The following PPP1R12A variants were observed in gnomAD, a reference collection of about 807,000 sequenced individuals.
The protein encoded by PPP1R12A is protein phosphatase 1 regulatory subunit 12A.
Under a neutral mutation model 139.6 loss-of-function variants are expected in PPP1R12A, and 19 were observed. The observed-to-expected ratio is 0.14, with a 90% CI of 0.09 to 0.20. The LOEUF (loss-of-function observed/expected upper bound fraction) is 0.20. Ranked by LOEUF, PPP1R12A falls within the 10% of genes least tolerant of loss-of-function variation. The probability of loss-of-function intolerance (pLI) is 1.00; values close to 1 mark genes in which losing one functional copy is unlikely to be tolerated. For missense variants in PPP1R12A, 925 were observed against 1,211.5 expected, an observed-to-expected ratio of 0.76 and a Z score of 3.51; for synonymous variants, 427 against 420.6, an observed-to-expected ratio of 1.02 and a Z score of -0.19.
chr12:79,869,337 A>G (rs1243418755), intron 2 of PPP1R12A, among the ~76,000 whole-genome samples: 9 of 152,234 alleles, frequency 5.9e-5, no homozygotes, highest in South Asian at 2.1e-4. Context: ...TTAGAACTCA[A>G]TGTATCCTAA....
intron 1 of PPP1R12A, among the ~76,000 whole-genome samples, chr12:79,926,519 G>A (rs1887853156): frequency 6.6e-6 from 1 of 152,140 alleles, no homozygotes; most frequent in African/African-American, 2.4e-5. Context: ...TTGTAATAAT[G>A]GCTACCTTTA....
intron 1 of PPP1R12A, among the ~76,000 whole-genome samples, chr12:79,927,428 C>A (rs1461459031): frequency 2.0e-5 from 3 of 152,148 alleles, no homozygotes; most frequent in African/African-American, 7.2e-5. Flanking sequence ...TACAGTACTA[C>A]TGCACTTCAA....
intron 2 of PPP1R12A, among the ~76,000 whole-genome samples, chr12:79,850,205 T>C (rs1879881312): frequency 6.6e-6 from 1 of 152,204 alleles, no homozygotes. Context: ...TTTGATAATT[T>C]TAGATAGATA....
intron 21 of PPP1R12A, chr12:79,787,111 C>T (rs1429145289): frequency 6.6e-6 from 1 of 152,194 alleles, no homozygotes; most frequent in Non-Finnish European, 1.5e-5. Context: ...ATTCCCTGAT[C>T]ACCCTCTAAT....
intron 1 of PPP1R12A, among the ~76,000 whole-genome samples, chr12:79,898,161 A>G (rs890961885): frequency 5.3e-5 from 8 of 152,182 alleles, no homozygotes; most frequent in Non-Finnish European, 1.5e-5. Flanking sequence ...ATAAATATCC[A>G]ATAGCTGGCC....
intron 1 of PPP1R12A, among the ~76,000 whole-genome samples, chr12:79,906,434 C>T (rs1886123570): frequency 6.6e-6 from 1 of 151,868 alleles, no homozygotes; most frequent in Admixed American, 6.6e-5. Context: ...GTAATTTTTT[C>T]TCTTATTTCT....
rs561515807 is a variant in PPP1R12A at position 79,852,853 on chromosome 12, G to T, written c.369-7433C>A. ...TAGAGAAAGGCTTTTTTACTGCTTA[G>T]AAGTGGTGAAAGCATTCATTCTCCA... is the stretch of plus-strand genomic sequence containing the variant. On this transcript the variant is annotated intron_variant, in intron 2 of 24. Coordinates refer to ENST00000450142, the MANE Select transcript of PPP1R12A (RefSeq NM_002480.3). 2.6e-5 allele frequency among the ~76,000 whole-genome samples: 4 copies of T among 152,276 alleles called. No individual in the cohort carries two copies. The South Asian group carries it at 8.3e-4, about 32-fold the overall frequency.
At chr12:79,871,820 T>A (rs1882602929) in intron 2 of PPP1R12A, among the ~76,000 whole-genome samples, 1 of 152,160 alleles carries the variant, frequency 6.6e-6, no homozygotes, top group African/African-American at 2.4e-5. Context: ...GAATCACAAT[T>A]GTTAGGTTTG....
chr12:79,835,834 C>G (rs1565768304), intron 3 of PPP1R12A, among the ~76,000 whole-genome samples: 1 of 152,130 alleles, frequency 6.6e-6, no homozygotes, highest in African/African-American at 2.4e-5. Context: ...CATAGGTCCC[C>G]AAGTACATCA....
In PPP1R12A at chr12:79,774,768, TA is replaced by T. The variant is rs1869560272; in HGVS notation, c.*1160del. On this transcript the variant is annotated 3_prime_UTR_variant, in exon 25 of 25. Coordinates refer to ENST00000450142, the MANE Select transcript of PPP1R12A (RefSeq NM_002480.3). ...CGGGTTAATTCTGCAAATGATTTCATAGCATTACTTTGGCTAGCACAACAGT... is the reference window on the plus strand; with the variant it reads ...CGGGTTAATTCTGCAAATGATTTCATGCATTACTTTGGCTAGCACAACAGT... 1.3e-5 allele frequency: 2 copies of T among 152,702 alleles called. No individual in the cohort carries two copies. Among genetic ancestry groups the T allele is most frequent in the Non-Finnish European group, 2.9e-5 (2 of 67,982 alleles). 9.5% of individuals were successfully genotyped at this position (152,702 alleles called of 1,614,324 possible).
At chr12:79,853,728 G>A in intron 2 of PPP1R12A, among the ~76,000 whole-genome samples, 1 of 152,154 alleles carries the variant, frequency 6.6e-6, no homozygotes, top group East Asian at 1.9e-4. Context: ...TGAAAACCAT[G>A]TATTTATTAA....
chr12:79,852,315 C>G (rs926522881), intron 2 of PPP1R12A, among the ~76,000 whole-genome samples: 3 of 151,700 alleles, frequency 2.0e-5, no homozygotes, highest in African/African-American at 4.8e-5. Context: ...CTAAGCCTCC[C>G]GAGTAGCTGG....
Position 79,805,697 on chromosome 12 carries a change from A to G in PPP1R12A, c.1895T>C (p.Ile632Thr), listed in dbSNP as rs768712178. Residue 632 changes from isoleucine to threonine, a missense_variant, in exon 14 of 25, where the codon ATT becomes ACT. Coordinates refer to ENST00000450142, the MANE Select transcript of PPP1R12A (RefSeq NM_002480.3). ...ATTTACAACAGTTGGAGCAACAGGA[A>G]TGGTCACTGCCGTAGGAACACTGTC... ...EKDSVPTAVT[I>T]PVAPTVVNAA... is the part of the protein sequence containing the mutation. 5 of 1,613,642 alleles carry G rather than the reference A, an allele frequency of 3.1e-6. No individual in the cohort carries two copies. The highest frequency in any genetic ancestry group is 3.4e-6 in the Non-Finnish European group (4 of 1,179,676).
intron 1 of PPP1R12A, among the ~76,000 whole-genome samples, chr12:79,915,829 C>T (rs1292927862): frequency 6.6e-6 from 1 of 152,062 alleles, no homozygotes. Context: ...GACATGTATA[C>T]AGTAGTTCAC....
intron 3 of PPP1R12A, among the ~76,000 whole-genome samples, chr12:79,840,961 G>A (rs560909849): frequency 7.9e-4 from 118 of 149,986 alleles, no homozygotes; most frequent in African/African-American, 2.4e-3. Flanking sequence ...TACAAATCCC[G>A]CCCTGACTTT....
chr12:79,844,705 A>G (rs1254568308), intron 3 of PPP1R12A, among the ~76,000 whole-genome samples: 2 of 152,084 alleles, frequency 1.3e-5, no homozygotes, highest in Non-Finnish European at 2.9e-5. Flanking sequence ...TTGGCTTCCT[A>G]TTTCACTCAG....
chr12:79,778,623 TGTTA>T (rs1259801480), intron 23 of PPP1R12A, 23 bp from the exon 24 acceptor site: 2 of 1,439,110 alleles, frequency 1.4e-6, no homozygotes, highest in Non-Finnish European at 1.9e-6. Context: ...AAGGTACCAA[TGTTA>T]GTTATATAAT....
chr12:79,859,354 G>GAAAAA (rs1160349807), intron 2 of PPP1R12A, among the ~76,000 whole-genome samples: 13 of 40,154 alleles, frequency 3.2e-4, no homozygotes, highest in Admixed American at 8.7e-4. Flanking sequence ...AAAAAAGAAA[G>GAAAAA]AAAAAAAAAA....
chr12:79,849,185 A>AC (rs1359533094), intron 2 of PPP1R12A, among the ~76,000 whole-genome samples: 1 of 152,132 alleles, frequency 6.6e-6, no homozygotes, highest in East Asian at 1.9e-4. Flanking sequence ...GAAGTTCGAG[A>AC]CCAGCCTGGC....
Sources: gnomAD v4.1 joint callset for allele counts (sites outside exome capture counted in the v4.1 genomes callset) on GRCh38, gnomAD v4.1.1 for gene constraint, MANE v1.5 for transcripts, NCBI Gene and HGNC (gene_info 2026-07-23, HGNC 2026-07-21) for gene names.